The following CPO variants were observed in gnomAD, a reference collection of about 807,000 sequenced individuals.
CPO encodes the protein metallocarboxypeptidase C.
A neutral mutation model predicts 41.2 loss-of-function variants in CPO; 43 were observed. The observed-to-expected ratio is 1.04, with a 90% CI of 0.82 to 1.35. The LOEUF is 1.35. Ranked by LOEUF, CPO falls within the 40% of genes most tolerant of loss-of-function variation. CPO has a pLI of 0.00. For missense variants in CPO, 408 were observed against 451.7 expected (o/e 0.90, Z 0.88); for synonymous variants, 178 against 162.7 (o/e 1.09, Z -0.72).
intron 2 of CPO, among the ~76,000 whole-genome samples, chr2:206,951,252 C>A (rs1559070786): frequency 6.6e-6 from 1 of 152,146 alleles, no homozygotes; most frequent in Non-Finnish European, 1.5e-5. Context: ...TGAGAATAAA[C>A]TGAATTGTAG....
intron 2 of CPO, 103 bp from the exon 3 acceptor site, chr2:206,955,360 A>G (rs1386584824): frequency 3.9e-6 from 3 of 765,416 alleles, no homozygotes; most frequent in African/African-American, 1.7e-5. Flanking sequence ...TCTAGAGCAA[A>G]GATAACAGAG....
chr2:206,945,977 A>T (rs1278043890), intron 1 of CPO, among the ~76,000 whole-genome samples: 1 of 106,558 alleles, frequency 9.4e-6, no homozygotes, highest in African/African-American at 2.8e-5. Context: ...TTTTTAAATT[A>T]AAAAAAAAGA....
At chr2:206,948,793 G>A (rs1693196008) in intron 1 of CPO, among the ~76,000 whole-genome samples, 1 of 152,152 alleles carries the variant, frequency 6.6e-6, no homozygotes. Context: ...GTATTATACT[G>A]TAATGGTAAA....
intron 1 of CPO, 81 bp from the exon 2 acceptor site, chr2:206,949,536 C>G: frequency 1.0e-6 from 1 of 961,988 alleles, no homozygotes; most frequent in East Asian, 2.4e-5. Context: ...ACTGATTCTA[C>G]TACCTTTTTC....
At chr2:206,954,168 ATTAC>A (rs1359647994) in intron 2 of CPO, among the ~76,000 whole-genome samples, 1 of 152,184 alleles carries the variant, frequency 6.6e-6, no homozygotes, top group Non-Finnish European at 1.5e-5. Flanking sequence ...TTGACTCCTC[ATTAC>A]TTATGCAAAT....
chr2:206,951,723 C>T (rs1288023190), intron 2 of CPO, among the ~76,000 whole-genome samples: 1 of 152,222 alleles, frequency 6.6e-6, no homozygotes, highest in African/African-American at 2.4e-5. Context: ...CACAAAGACA[C>T]TTAAACTTTT....
chr2:206,961,031 A>G (rs2105827418), intron 6 of CPO, 89 bp downstream of exon 6: 4 of 907,634 alleles, frequency 4.4e-6, no homozygotes, highest in Non-Finnish European at 5.5e-6. Flanking sequence ...ATTTTTGAAA[A>G]TAACATCTAA....
intron 2 of CPO, 52 bp from the exon 3 acceptor site, chr2:206,955,411 G>T (rs370208304): frequency 3.7e-5 from 36 of 977,246 alleles, no homozygotes; most frequent in Non-Finnish European, 5.5e-5. Context: ...TTAATCAGAG[G>T]CATGCAAACA....
rs1693294108 is a variant in CPO, at chr2:206,953,022, A to G, written c.166-2441A>G. Among the ~76,000 whole-genome samples the G allele has an allele frequency of 2.6e-5, 4 of 152,232 alleles. No individual in the cohort carries two copies. In the South Asian group the frequency reaches 8.3e-4, roughly 32 times the overall value. ...CTCAGGAAAACTTGTCTCCCACCCC[A>G]TGATTCAATTACCTCCCACCAGCTT... On this transcript the variant is annotated intron_variant, in intron 2 of 8. Transcript: ENST00000272852.
chr2:206,956,415 T>G (rs1840130), intron 3 of CPO, among the ~76,000 whole-genome samples: 35,453 of 151,010 alleles, frequency 0.23, 4,413 homozygotes, highest in East Asian at 0.45. Context: ...ATCATCATCA[T>G]CAGCAGCAGC....
intron 6 of CPO, among the ~76,000 whole-genome samples, chr2:206,961,960 C>T (rs963123462): frequency 6.6e-6 from 1 of 151,510 alleles, no homozygotes; most frequent in African/African-American, 2.4e-5. Context: ...ATTAGCCTCG[C>T]GTGGTGGCGG....
At chr2:206,945,624 A>G (rs1693127606) in intron 1 of CPO, among the ~76,000 whole-genome samples, 1 of 152,186 alleles carries the variant, frequency 6.6e-6, no homozygotes, top group Non-Finnish European at 1.5e-5. Context: ...TTGTAGTGAG[A>G]ATAAAATTAT....
chr2:206,949,392 G>C (rs909882835), intron 1 of CPO, among the ~76,000 whole-genome samples: 3 of 152,122 alleles, frequency 2.0e-5, no homozygotes, highest in Admixed American at 1.3e-4. Flanking sequence ...TGCAAGGTTG[G>C]AATAATTGTT....
rs528513406 is a variant in CPO at position 206,966,197 on chromosome 2, T to C, written c.778-2066T>C. On this transcript the variant is annotated intron_variant, in intron 7 of 8. Transcript: ENST00000272852. The stretch of plus-strand genomic sequence containing the variant: ...GGATAAAATAAATGATAGCTGGCAA[T>C]GTGAAAAAAAAAAAATTTGTTGTCT... Among the ~76,000 whole-genome samples the C allele has an allele frequency of 1.7e-4, 25 of 143,190 alleles. No homozygotes were observed. The South Asian group carries it at 5.3e-3, about 30-fold the overall frequency. The allele number at this position is 143,190 out of a possible 152,430, so 93.9% of individuals were successfully genotyped here. A position where few individuals can be genotyped will look rare whatever the true frequency, so the allele number is the denominator to read the frequency against.
intron 1 of CPO, among the ~76,000 whole-genome samples, chr2:206,942,236 TA>T (rs1317738873): frequency 6.6e-6 from 1 of 152,074 alleles, no homozygotes; most frequent in African/African-American, 2.4e-5. Context: ...TATATAGATA[TA>T]ATCTGCCCTG....
chr2:206,963,064 C>T (rs557827698), intron 7 of CPO, among the ~76,000 whole-genome samples: 3 of 152,270 alleles, frequency 2.0e-5, no homozygotes, highest in Admixed American at 1.3e-4. Flanking sequence ...AAACACAATG[C>T]TCTATTTTCT....
chr2:206,955,287 T>C (rs1351440055), intron 2 of CPO, among the ~76,000 whole-genome samples, 176 bp from the exon 3 acceptor site: 1 of 152,252 alleles, frequency 6.6e-6, no homozygotes, highest in Non-Finnish European at 1.5e-5. Context: ...ACAGAATAAA[T>C]TGTTAAAGAA....
At chr2:206,962,730 T>C in intron 7 of CPO, 116 bp downstream of exon 7, 1 of 774,426 alleles carries the variant, frequency 1.3e-6, no homozygotes, top group Non-Finnish European at 2.1e-6. Flanking sequence ...TCTCTGCTTA[T>C]CCCTATATTC....
chr2:206,967,348 TATAG>T (rs1414326908), intron 7 of CPO, among the ~76,000 whole-genome samples: 5 of 110,242 alleles, frequency 4.5e-5, no homozygotes, highest in South Asian at 2.8e-4. Context: ...TATATATATA[TATAG>T]ATATATAGAT....
Sources: gnomAD v4.1 joint callset for allele counts (sites outside exome capture counted in the v4.1 genomes callset) on GRCh38, gnomAD v4.1.1 for gene constraint, MANE v1.5 for transcripts, NCBI Gene and HGNC (gene_info 2026-07-23, HGNC 2026-07-21) for gene names.